FGF12: variants seen among roughly 807,000 people sequenced by gnomAD.
FGF12 encodes fibroblast growth factor 12.
Under a neutral mutation model 23.6 loss-of-function variants are expected in FGF12, and 14 were observed. The observed-to-expected ratio is 0.59, with a 90% CI of 0.39 to 0.93. The LOEUF (loss-of-function observed/expected upper bound fraction) is 0.93, where lower values mean the gene tolerates loss of function less well. Among genes scored for constraint, FGF12 ranks in the 40% least tolerant of loss-of-function variants. The pLI, the probability that FGF12 is intolerant of heterozygous loss-of-function variation, is 0.00. For synonymous variants in FGF12, 62 were observed against 77.3 expected, an observed-to-expected ratio of 0.80 and a Z score of 1.04; for missense variants, 175 against 217.8, an observed-to-expected ratio of 0.80 and a Z score of 1.24.
chr3:192,143,052 C>T lies in FGF12; in HGVS notation c.*957G>A, dbSNP rs1713490060. The T allele has an allele frequency of 2.0e-5, 3 of 151,914 alleles. No homozygotes were observed. The South Asian group carries it at 6.2e-4, about 31-fold the overall frequency. The allele number at this position is 151,914 out of a possible 1,614,324, so 9.4% of individuals were successfully genotyped here. A position where few individuals can be genotyped will look rare whatever the true frequency, so the allele number is the denominator to read the frequency against. On this transcript the variant is annotated 3_prime_UTR_variant, in exon 6 of 6. Transcript: ENST00000445105. The stretch of plus-strand genomic sequence containing the variant: ...GGTACAAAGCTTTCTAAAACATGCT[C>T]TCAGGTGTCCACACCTGAGACATTG...
At chr3:192,407,158 GAC>G (rs1439553003) in intron 2 of FGF12, among the ~76,000 whole-genome samples, 2 of 152,148 alleles carry the variant, frequency 1.3e-5, no homozygotes, top group African/African-American at 4.8e-5. Context: ...TGCAAGTAGA[GAC>G]ACATCCAAAA....
At chr3:192,192,557 G>A (rs1003498940) in intron 4 of FGF12, among the ~76,000 whole-genome samples, 3 of 150,084 alleles carry the variant, frequency 2.0e-5, no homozygotes, top group East Asian at 1.9e-4. Flanking sequence ...ACAGATCTTC[G>A]CACTTGAAAC....
chr3:192,580,631 G>A (rs191247304), intron 2 of FGF12, among the ~76,000 whole-genome samples: 9 of 152,124 alleles, frequency 5.9e-5, no homozygotes, highest in East Asian at 1.9e-4. Context: ...TTTTTGAGAC[G>A]GAGTCTCATT....
intron 4 of FGF12, among the ~76,000 whole-genome samples, chr3:192,197,439 T>G (rs1008327840): frequency 6.6e-6 from 1 of 152,216 alleles, no homozygotes; most frequent in Non-Finnish European, 1.5e-5. Context: ...TGCAGTGTTG[T>G]GTTGTTATAT....
intron 2 of FGF12, among the ~76,000 whole-genome samples, chr3:192,419,389 T>C (rs1389370502): frequency 6.6e-6 from 1 of 152,060 alleles, no homozygotes; most frequent in East Asian, 1.9e-4. Flanking sequence ...TTGAAGAACT[T>C]GAGTATTGTG....
At chr3:192,656,196 T>C (rs148073509) in intron 2 of FGF12, among the ~76,000 whole-genome samples, 1 of 151,940 alleles carries the variant, frequency 6.6e-6, no homozygotes, top group African/African-American at 2.4e-5. Flanking sequence ...CTCAAAATAC[T>C]GGATAAAACA....
intron 2 of FGF12, among the ~76,000 whole-genome samples, chr3:192,712,742 T>A (rs1010564526): frequency 6.6e-6 from 1 of 151,542 alleles, no homozygotes; most frequent in Non-Finnish European, 1.5e-5. Flanking sequence ...CTTTTTTTTT[T>A]AGGAAGCTGT....
rs1393835544 is a variant in FGF12 at position 192,408,603 on chromosome 3, C to T, written c.14-48065G>A. 1.9e-6 allele frequency: 2 copies of T among 1,053,992 alleles called. No individual in the cohort carries two copies. The highest frequency in any genetic ancestry group is 2.3e-6 in the Non-Finnish European group (2 of 873,824). The allele number at this position is 1,053,992 out of a possible 1,614,324, so 65.3% of individuals were successfully genotyped here. ...GGGGTACCAAGTGGAAGGGGAAGAACGATGCCCAAAATAACAAGACGTGCC... is the reference window on the plus strand; with the variant it reads ...GGGGTACCAAGTGGAAGGGGAAGAATGATGCCCAAAATAACAAGACGTGCC... On this transcript the variant is annotated intron_variant, in intron 2 of 5. Transcript: ENST00000445105. This position sits in a 1 kb window ranked among gnomAD's most constrained non-coding sequence, Gnocchi z 7.3.
chr3:192,298,620 C>T (rs2108657238), intron 4 of FGF12, among the ~76,000 whole-genome samples: 1 of 152,232 alleles, frequency 6.6e-6, no homozygotes, highest in South Asian at 2.1e-4. Flanking sequence ...AGGTGTGGTG[C>T]ATGTCTGTAA....
chr3:192,424,234 C>A lies in FGF12; in HGVS notation c.14-63696G>T, dbSNP rs866300099. The stretch of plus-strand genomic sequence containing the variant: ...GGATTCCTTAGAACAGTAGGAATTT[C>A]TCACACTGGTTTATTGCATAGGAAA... On this transcript the variant is annotated intron_variant, in intron 2 of 5. Coordinates refer to ENST00000445105, the MANE Select transcript of FGF12 (RefSeq NM_004113.6). Among the ~76,000 whole-genome samples the A allele has an allele frequency of 9.9e-5, 15 of 152,272 alleles. 1 individual carries two copies. The Middle Eastern group carries it at 0.041, about 414-fold the overall frequency.
intron 3 of FGF12, among the ~76,000 whole-genome samples, chr3:192,342,782 A>C (rs1717756559): frequency 1.3e-5 from 2 of 152,126 alleles, no homozygotes; most frequent in Admixed American, 6.6e-5. Context: ...CCTCTGTCTC[A>C]ACAAAATAAA....
intron 2 of FGF12, among the ~76,000 whole-genome samples, chr3:192,721,507 G>A (rs935217780): frequency 2.0e-5 from 3 of 152,090 alleles, no homozygotes; most frequent in African/African-American, 4.8e-5. Context: ...TTTCACGAAC[G>A]TTATTTATGG....
At chr3:192,258,546 C>T (rs1479850429) in intron 4 of FGF12, among the ~76,000 whole-genome samples, 1 of 152,042 alleles carries the variant, frequency 6.6e-6, no homozygotes, top group African/African-American at 2.4e-5. Flanking sequence ...AAAGCATAAG[C>T]AGTATGTAGT....
At chr3:192,674,149 C>T (rs569879845) in intron 2 of FGF12, among the ~76,000 whole-genome samples, 1 of 140,264 alleles carries the variant, frequency 7.1e-6, no homozygotes, top group African/African-American at 2.5e-5. Context: ...CCTAGAACAA[C>T]CCATGGGGTA....
Position 192,140,055 on chromosome 3 carries a change from T to A in FGF12, c.*3954A>T, listed in dbSNP as rs1713285442. 6.6e-6 allele frequency: 1 copy of A among 152,102 alleles called. No homozygotes were observed. Among genetic ancestry groups the A allele is most frequent in the Non-Finnish European group, 1.5e-5 (1 of 67,944 alleles). 9.4% of individuals were successfully genotyped at this position (152,102 alleles called of 1,614,324 possible). On this transcript the variant is annotated 3_prime_UTR_variant, in exon 6 of 6. Transcript: ENST00000445105. ...TTATTCCCACCTGTTTCTTTTTTAT[T>A]ATAAAGTGGCAATTTGTACCATCAT...
chr3:192,293,167 AAG>A (rs1040438410), intron 4 of FGF12, among the ~76,000 whole-genome samples: 49 of 152,292 alleles, frequency 3.2e-4, no homozygotes, highest in African/African-American at 9.4e-4. Flanking sequence ...TAAAGAAGGA[AAG>A]AGAGAGATTT....
chr3:192,343,770 TTGTC>T (rs576293046), intron 3 of FGF12, among the ~76,000 whole-genome samples: 385 of 152,316 alleles, frequency 2.5e-3, no homozygotes, highest in African/African-American at 8.8e-3. Context: ...ATTTATATGT[TTGTC>T]TGAGTTTCCC....
At chr3:192,328,460 C>T (rs1224525015) in intron 4 of FGF12, among the ~76,000 whole-genome samples, 1 of 152,094 alleles carries the variant, frequency 6.6e-6, no homozygotes, top group Non-Finnish European at 1.5e-5. Context: ...CATGTTGGTA[C>T]CTGAAGAGTA....
intron 2 of FGF12, among the ~76,000 whole-genome samples, chr3:192,479,980 T>C (rs751106184): frequency 1.3e-5 from 2 of 149,764 alleles, no homozygotes; most frequent in Non-Finnish European, 3.0e-5. Context: ...AAAATTGGGA[T>C]TGAGAAAGAG....
Sources: gnomAD v4.1 joint callset for allele counts (sites outside exome capture counted in the v4.1 genomes callset) on GRCh38, gnomAD v4.1.1 for gene constraint, Gnocchi (gnomAD v3.1) non-coding constraint, MANE v1.5 for transcripts, NCBI Gene and HGNC (gene_info 2026-07-23, HGNC 2026-07-21) for gene names.